Variants in MSRA observed in about 807,000 individuals in gnomAD.
MSRA encodes the protein mitochondrial peptide methionine sulfoxide reductase.
In MSRA, 54 loss-of-function variants were observed where a neutral mutation model predicts 31.3. The ratio of observed to expected loss-of-function variants is 1.73; its 90% CI spans 1.39 to 2.17. The LOEUF is 2.17. Ranked by LOEUF, MSRA falls within the 30% of genes most tolerant of loss-of-function variation. The pLI is 0.00. For synonymous variants in MSRA, 169 were observed against 116.5 expected (o/e 1.45, Z -2.90); for missense variants, 507 against 300.9 (o/e 1.69, Z -5.07).
intron 1 of MSRA, among the ~76,000 whole-genome samples, chr8:10,174,375 G>C (rs1805856246): frequency 6.6e-6 from 1 of 152,146 alleles, no homozygotes; most frequent in Non-Finnish European, 1.5e-5. Flanking sequence ...TCGGGATGGA[G>C]GAGCCCAGGA....
At chr8:10,150,707 C>G (rs1239443096) in intron 1 of MSRA, among the ~76,000 whole-genome samples, 2 of 152,128 alleles carry the variant, frequency 1.3e-5, no homozygotes, top group Non-Finnish European at 2.9e-5. Context: ...ATGAAAACAG[C>G]CGGCCTGTTC....
At chr8:10,407,684 CAAGAG>C (rs1285237240) in intron 5 of MSRA, among the ~76,000 whole-genome samples, 2 of 152,044 alleles carry the variant, frequency 1.3e-5, no homozygotes, top group African/African-American at 2.4e-5. Context: ...ATTCTGTAGG[CAAGAG>C]AAGAGAAGAC....
At chr8:10,340,424 G>A (rs1041525652) in intron 5 of MSRA, among the ~76,000 whole-genome samples, 1 of 152,240 alleles carries the variant, frequency 6.6e-6, no homozygotes, top group African/African-American at 2.4e-5. Flanking sequence ...CCAGGCTGGA[G>A]TGCAGTGGCG....
chr8:10,389,786 TA>T (rs1563424704), intron 5 of MSRA, among the ~76,000 whole-genome samples: 2 of 114,716 alleles, frequency 1.7e-5, no homozygotes, highest in Non-Finnish European at 3.8e-5. Context: ...CCCAGAAACT[TA>T]CTCTTTTTTT....
At chr8:10,238,002 A>T (rs1039666840) in intron 2 of MSRA, among the ~76,000 whole-genome samples, 14 of 152,270 alleles carry the variant, frequency 9.2e-5, no homozygotes, top group African/African-American at 3.4e-4. Context: ...TCAAAACTCC[A>T]ATGTGGCTAC....
chr8:10,336,210 C>G (rs1027462524), intron 5 of MSRA, among the ~76,000 whole-genome samples: 5 of 152,024 alleles, frequency 3.3e-5, no homozygotes, highest in Non-Finnish European at 5.9e-5. Flanking sequence ...AACACATTTG[C>G]AAACACAAAA....
At position 10,303,829 on chromosome 8, in the gene MSRA, A is replaced by G. The variant is rs576719718; in HGVS notation, c.436+2191A>G. 1.9e-3 allele frequency among the ~76,000 whole-genome samples: 282 copies of G among 152,340 alleles called. 1 individual carries two copies. Among genetic ancestry groups the G allele is most frequent in the African/African-American group, 2.7e-3 (113 of 41,574 alleles). On this transcript the variant is annotated intron_variant, in intron 4 of 5. Coordinates refer to ENST00000317173, the MANE Select transcript of MSRA (RefSeq NM_012331.5). The stretch of plus-strand genomic sequence containing the variant: ...TTCTTAAGCTAGTTTTTTAGTTTCT[A>G]TTACATGTAACAGTAACAAAAATCC...
chr8:10,406,199 G>A (rs180863779), intron 5 of MSRA, among the ~76,000 whole-genome samples: 12 of 152,336 alleles, frequency 7.9e-5, no homozygotes, highest in Non-Finnish European at 1.5e-5. Flanking sequence ...TCACAGCAGT[G>A]GTCTCGCAGA....
At chr8:10,286,441 T>C (rs1799942778) in intron 3 of MSRA, among the ~76,000 whole-genome samples, 2 of 152,202 alleles carry the variant, frequency 1.3e-5, no homozygotes, top group Admixed American at 1.3e-4. Flanking sequence ...CCGCCATCCA[T>C]GTAAGATGTG....
intron 1 of MSRA, among the ~76,000 whole-genome samples, chr8:10,085,978 A>G (rs1798541089): frequency 6.6e-6 from 1 of 152,106 alleles, no homozygotes; most frequent in South Asian, 2.1e-4. Flanking sequence ...GGGTGTTCAG[A>G]TTGTTTCCAG....
chr8:10,127,920 T>C (rs946131842), intron 1 of MSRA, among the ~76,000 whole-genome samples: 5 of 152,054 alleles, frequency 3.3e-5, no homozygotes, highest in African/African-American at 4.8e-5. Context: ...GTGGTTTCTT[T>C]GTGTACGTGA....
intron 1 of MSRA, among the ~76,000 whole-genome samples, chr8:10,119,284 G>A (rs530652942): frequency 6.6e-6 from 1 of 152,208 alleles, no homozygotes; most frequent in African/African-American, 2.4e-5. Flanking sequence ...AAATATGAAT[G>A]GGTCTTTGTC....
chr8:10,166,966 T>A (rs1184478278), intron 1 of MSRA, among the ~76,000 whole-genome samples: 1 of 152,182 alleles, frequency 6.6e-6, no homozygotes, highest in East Asian at 1.9e-4. Flanking sequence ...ACTGGCTGTA[T>A]TCACCCAACC....
intron 1 of MSRA, among the ~76,000 whole-genome samples, chr8:10,194,900 A>G (rs1807842524): frequency 6.6e-6 from 1 of 152,164 alleles, no homozygotes; most frequent in African/African-American, 2.4e-5. Flanking sequence ...TGTTTAAAAT[A>G]TTTTTTATTT....
chr8:10,403,549 C>T (rs1157974799), intron 5 of MSRA, among the ~76,000 whole-genome samples: 1 of 152,134 alleles, frequency 6.6e-6, no homozygotes, highest in Non-Finnish European at 1.5e-5. Context: ...GGAAGGTGGT[C>T]CGCGGCACTG....
In MSRA at chr8:10,357,085, G is replaced by A. The variant is rs535713694; in HGVS notation, c.543+37096G>A. ...ATCCAGAGGTGTGGACCAGACCCAA[G>A]TCTATCTCTTTAACAAAGTAGTGAT... On this transcript the variant is annotated intron_variant, in intron 5 of 5. Transcript: ENST00000317173. Among the ~76,000 whole-genome samples, 3 of 152,192 alleles carry A rather than the reference G, an allele frequency of 2.0e-5. No homozygotes were observed. The South Asian group carries it at 6.2e-4, about 32-fold the overall frequency.
intron 2 of MSRA, among the ~76,000 whole-genome samples, chr8:10,236,771 C>T (rs1026794771): frequency 2.0e-5 from 3 of 152,146 alleles, no homozygotes; most frequent in South Asian, 4.1e-4. Flanking sequence ...GTCTTGAACT[C>T]CTGACATCAG....
chr8:10,222,678 G>A (rs563449506), intron 2 of MSRA, among the ~76,000 whole-genome samples: 5 of 152,244 alleles, frequency 3.3e-5, no homozygotes, highest in Admixed American at 1.3e-4. Context: ...AAATCCTGTC[G>A]TTGGCAACAG....
In MSRA at chr8:10,113,218, G is replaced by T. The variant is rs544445515; in HGVS notation, c.142+58560G>T. On this transcript the variant is annotated intron_variant, in intron 1 of 5. Coordinates refer to ENST00000317173, the MANE Select transcript of MSRA (RefSeq NM_012331.5). ...AGACAGGATATGGTGCTTATAGGCT[G>T]CCCCTTCAGGAGGAAGCAGAGGGTG... Among the ~76,000 whole-genome samples the T allele has an allele frequency of 2.0e-5, 3 of 150,090 alleles. No individual in the cohort carries two copies. The South Asian group carries it at 6.4e-4, about 32-fold the overall frequency.
Sources: allele counts gnomAD v4.1 joint callset (sites outside exome capture counted in the v4.1 genomes callset), GRCh38; gene constraint gnomAD v4.1.1; transcripts MANE v1.5; gene names NCBI Gene and HGNC (gene_info 2026-07-23, HGNC 2026-07-21).